The following ZNF285 variants were observed in gnomAD, a reference collection of about 807,000 sequenced individuals.
The protein encoded by ZNF285 is zinc finger protein 285.
ZNF285 carries 4 observed loss-of-function variants against 6.2 expected under a neutral mutation model. The observed-to-expected ratio is 0.65, with a 90% confidence interval of 0.32 to 1.49. ZNF285 has a LOEUF of 1.49. Among genes scored for constraint, ZNF285 ranks in the 40% most tolerant of loss-of-function variants. The pLI is 0.07. For synonymous variants in ZNF285, 240 were observed against 245.8 expected (o/e 0.98, Z 0.22); for missense variants, 695 against 708.8 (o/e 0.98, Z 0.22).
chr19:44,397,463 T>C (rs958847064), intron 1 of ZNF285, among the ~76,000 whole-genome samples: 4 of 152,186 alleles, frequency 2.6e-5, no homozygotes, highest in African/African-American at 9.7e-5. Context: ...GTGTAACTCC[T>C]ATCTCTCTCC....
At position 44,397,200 on chromosome 19, in the gene ZNF285, T is replaced by G. The variant is rs1568389715; in HGVS notation, c.14A>C (p.Gln5Pro). The change falls in exon 2 of 4, where the codon CAG becomes CCG. Residue 5 changes from glutamine to proline, a missense_variant and splice_region_variant. Transcript: ENST00000614994. The part of the protein sequence containing the change: MIKF[Q>P]ERVTFKDVAV... ...AAGAGAAAGAAACCCTTAACTTACC[T>G]GGAACTTAATCATACCGTCTTCCTT... is the stretch of plus-strand genomic sequence containing the variant. 28 of 1,613,784 alleles carry G rather than the reference T, an allele frequency of 1.7e-5. 1 individual carries two copies. The East Asian group carries it at 6.2e-4, about 36-fold the overall frequency.
At chr19:44,399,389 TA>T (rs1281584523) in intron 1 of ZNF285, among the ~76,000 whole-genome samples, 129 of 119,780 alleles carry the variant, frequency 1.1e-3, no homozygotes, top group Admixed American at 1.2e-3. Flanking sequence ...CTACAAATCC[TA>T]AAAAAAAAAA....
Position 44,397,188 on chromosome 19 carries a change from C to A in ZNF285, c.15+11G>T. 2 of 1,613,848 alleles carry A rather than the reference C, an allele frequency of 1.2e-6. No homozygotes were observed. The highest frequency in any genetic ancestry group is 1.7e-4 in the Middle Eastern group (1 of 6,056). On this transcript the variant is annotated intron_variant, in intron 2 of 3. Transcript: ENST00000614994. ...ACAGCATATTTAAAGAGAAAGAAAC[C>A]CTTAACTTACCTGGAACTTAATCAT...
chr19:44,396,058 G>C (rs1320056427), intron 2 of ZNF285, among the ~76,000 whole-genome samples: 2 of 152,244 alleles, frequency 1.3e-5, no homozygotes, highest in South Asian at 4.1e-4. Flanking sequence ...ATGAATCTTG[G>C]ACTTGGGCAA....
intron 3 of ZNF285, among the ~76,000 whole-genome samples, chr19:44,390,103 C>A (rs1281189473): frequency 6.6e-6 from 1 of 152,134 alleles, no homozygotes; most frequent in Non-Finnish European, 1.5e-5. Context: ...CATGTCAGAG[C>A]CCCCACACAG....
chr19:44,398,782 T>C (rs1160986826), intron 1 of ZNF285, among the ~76,000 whole-genome samples: 1 of 152,142 alleles, frequency 6.6e-6, no homozygotes, highest in Admixed American at 6.5e-5. Context: ...GAGAAACTTA[T>C]TGTATAAAAT....
chr19:44,398,396 A>C (rs1299929964), intron 1 of ZNF285, among the ~76,000 whole-genome samples: 1 of 152,152 alleles, frequency 6.6e-6, no homozygotes, highest in Non-Finnish European at 1.5e-5. Context: ...GATCCAGGGA[A>C]GGGACAAGAG....
rs568307729 is a variant in ZNF285, at chr19:44,397,082, T to A, written c.15+117A>T. The A allele has an allele frequency of 2.1e-6, 3 of 1,437,176 alleles. No individual in the cohort carries two copies. The African/African-American group carries it at 4.3e-5, about 21-fold the overall frequency. 89.0% of individuals were successfully genotyped at this position (1,437,176 alleles called of 1,614,324 possible). On this transcript the variant is annotated intron_variant, in intron 2 of 3. Transcript: ENST00000614994. ...GCCTCACAAAGTCATTATGAGCAGA[T>A]AAAGTACCTAATACATAGTAGTCAC... is the stretch of plus-strand genomic sequence containing the variant.
In ZNF285 at chr19:44,387,214, T is replaced by C; in HGVS notation, c.1031A>G (p.Tyr344Cys). The C allele has an allele frequency of 1.9e-6, 3 of 1,614,152 alleles. No individual in the cohort carries two copies. Among genetic ancestry groups the C allele is most frequent in the Middle Eastern group, 1.6e-4 (1 of 6,062 alleles). ...CCCTTTCCCACATTCATCGCATTTG[T>C]AGGGCATCTCCCCTGTGTGGACTCG... The part of the protein sequence containing the change: ...HHRVHTGEMP[Y>C]KCDECGKGFG... The change falls in exon 4 of 4, where the codon TAC becomes TGC. Residue 344 changes from tyrosine (Y) to cysteine (C), a missense_variant. By Grantham distance (194) the Tyr-to-Cys change is radical. Coordinates refer to ENST00000614994, the MANE Select transcript of ZNF285 (RefSeq NM_152354.6).
At chr19:44,392,239 G>A in intron 3 of ZNF285, 101 bp downstream of exon 3, 6 of 1,559,430 alleles carry the variant, frequency 3.8e-6, no homozygotes, top group Non-Finnish European at 5.2e-6. Flanking sequence ...TTTCTTTCCA[G>A]TGGCCAAAGT....
Position 44,387,238 on chromosome 19 carries a change from C to T in ZNF285, c.1007G>A (p.Arg336Gln), listed in dbSNP as rs1481989595. The T allele has an allele frequency of 1.9e-6, 3 of 1,614,064 alleles. No individual in the cohort carries two copies. Among genetic ancestry groups the T allele is most frequent in the South Asian group, 1.1e-5 (1 of 91,076 alleles). ...GTAGGGCATCTCCCCTGTGTGGACT[C>T]GATGATGGTTGTGAAGGGAAGAGCT... is the stretch of plus-strand genomic sequence containing the variant. ...RRSSSLHNHH[R>Q]VHTGEMPYKC... The change falls in exon 4 of 4, where the codon CGA becomes CAA. Residue 336 changes from arginine (R) to glutamine (Q), a missense_variant. Arg to Gln is a conservative substitution (Grantham distance 43). Coordinates refer to ENST00000614994, the MANE Select transcript of ZNF285 (RefSeq NM_152354.6).
chr19:44,400,517 A>C (rs113619354), intron 1 of ZNF285, among the ~76,000 whole-genome samples: 8,562 of 152,090 alleles, frequency 0.056, 348 homozygotes, highest in East Asian at 0.2. Context: ...CAAAGTCCCT[A>C]CTCCCTGGCT....
chr19:44,394,667 G>C, intron 2 of ZNF285: 1 of 414,164 alleles, frequency 2.4e-6, no homozygotes, highest in Non-Finnish European at 4.2e-6. Context: ...TCAGAGTTAA[G>C]TATTTACAGA....
chr19:44,390,895 C>T (rs371516478), intron 3 of ZNF285, among the ~76,000 whole-genome samples: 1 of 152,110 alleles, frequency 6.6e-6, no homozygotes, highest in South Asian at 2.1e-4. Context: ...GTGGCTTGCA[C>T]CTGTAATCCC....
chr19:44,385,165 C>A lies in ZNF285; in HGVS notation c.*1307G>T, dbSNP rs1451063104. 1 of 152,128 alleles carries A rather than the reference C, an allele frequency of 6.6e-6. No homozygotes were observed. The highest frequency in any genetic ancestry group is 6.5e-5 in the Admixed American group (1 of 15,272). The allele number at this position is 152,128 out of a possible 1,614,324, so 9.4% of individuals were successfully genotyped here. On this transcript the variant is annotated 3_prime_UTR_variant, in exon 4 of 4. Transcript: ENST00000614994. The stretch of plus-strand genomic sequence containing the variant: ...GAAGACTGCATCAGTCTGCAATGAA[C>A]ACTGTTGGTTTTTTACATGTTGTTG...
At chr19:44,391,026 T>C (rs919616176) in intron 3 of ZNF285, among the ~76,000 whole-genome samples, 1 of 151,714 alleles carries the variant, frequency 6.6e-6, no homozygotes, top group Non-Finnish European at 1.5e-5. Context: ...TGGTGGTGCA[T>C]GTCTGTAGTC....
At chr19:44,393,743 T>G (rs1971235231) in intron 2 of ZNF285, among the ~76,000 whole-genome samples, 1 of 152,088 alleles carries the variant, frequency 6.6e-6, no homozygotes, top group Non-Finnish European at 1.5e-5. Context: ...TGGCGATCAT[T>G]AAAAAGTCAG....
At chr19:44,397,072 T>C in intron 2 of ZNF285, 127 bp downstream of exon 2, 1 of 1,361,392 alleles carries the variant, frequency 7.3e-7, no homozygotes, top group Non-Finnish European at 1.0e-6. Flanking sequence ...ACAAAGTCAT[T>C]ATGAGCAGAT....
chr19:44,382,300 T>TTC lies in ZNF285; in HGVS notation c.*4171_*4172insGA, dbSNP rs1971016304. On this transcript the variant is annotated 3_prime_UTR_variant, in exon 4 of 4. Transcript: ENST00000614994. ...TCATCACACATAAGGGACTTTTTTT[T>TTC]TTTTTTTTTTTTTTTTGAGACAGAG... 7.0e-6 allele frequency: 1 copy of TTC among 143,326 alleles called. No individual in the cohort carries two copies. Among genetic ancestry groups the TTC allele is most frequent in the Admixed American group, 6.9e-5 (1 of 14,396 alleles). The allele number at this position is 143,326 out of a possible 1,614,324, so 8.9% of individuals were successfully genotyped here.
Sources: allele counts gnomAD v4.1 joint callset (sites outside exome capture counted in the v4.1 genomes callset), GRCh38; gene constraint gnomAD v4.1.1; transcripts MANE v1.5; gene names NCBI Gene and HGNC (gene_info 2026-07-23, HGNC 2026-07-21).